CNGB3: variants seen among roughly 807,000 people sequenced by gnomAD.
CNGB3 encodes the protein cyclic nucleotide gated channel subunit beta 3.
Under a neutral mutation model 92.8 loss-of-function variants are expected in CNGB3, and 86 were observed. The observed-to-expected ratio is 0.93, with a 90% CI of 0.78 to 1.11. The LOEUF is 1.11. CNGB3 is among the 50% of genes least tolerant of loss of function. CNGB3 has a pLI of 0.00. For missense variants in CNGB3, 1,026 were observed against 956.8 expected (o/e 1.07, Z -0.95); for synonymous variants, 333 against 332.7 (o/e 1.00, Z -0.01).
Position 86,578,675 on chromosome 8 carries a change from C to T in CNGB3, c.2103+14G>A, listed in dbSNP as rs201660437. On this transcript the variant is annotated intron_variant, in intron 17 of 17. Coordinates refer to ENST00000320005, the MANE Select transcript of CNGB3 (RefSeq NM_019098.5). Reference sequence around the variant, plus strand: ...CTTCTCCATGACAGCCGTCCATTCACTCCACCTTATTACCTGAGCTGCTTG... The same window carrying T: ...CTTCTCCATGACAGCCGTCCATTCATTCCACCTTATTACCTGAGCTGCTTG... 7 of 1,613,472 alleles carry T rather than the reference C, an allele frequency of 4.3e-6. No homozygotes were observed. Among genetic ancestry groups the T allele is most frequent in the East Asian group, 2.2e-5 (1 of 44,876 alleles).
At chr8:86,684,133 C>T (rs1262860405) in intron 3 of CNGB3, among the ~76,000 whole-genome samples, 1 of 152,022 alleles carries the variant, frequency 6.6e-6, no homozygotes, top group Non-Finnish European at 1.5e-5. Flanking sequence ...ATAAAGAATT[C>T]TCAAAATTCA....
intron 3 of CNGB3, 132 bp from the exon 4 acceptor site, chr8:86,671,230 A>G (rs751645736): frequency 2.1e-6 from 2 of 961,542 alleles, no homozygotes; most frequent in Non-Finnish European, 1.6e-6. Flanking sequence ...GAATAGCACA[A>G]TTCAAACATT....
At chr8:86,736,676 T>G (rs912048797) in intron 2 of CNGB3, among the ~76,000 whole-genome samples, 12 of 152,152 alleles carry the variant, frequency 7.9e-5, no homozygotes, top group African/African-American at 2.4e-4. Flanking sequence ...CATTCAAGAT[T>G]GTTGTATAGT....
At chr8:86,657,724 C>G (rs1823540689) in intron 6 of CNGB3, 1 of 476,444 alleles carries the variant, frequency 2.1e-6, no homozygotes, top group Non-Finnish European at 4.2e-6. Context: ...AGCCGCAACA[C>G]CAGCTCCTGC....
At chr8:86,634,698 G>A (rs908229690) in intron 10 of CNGB3, among the ~76,000 whole-genome samples, 6 of 151,312 alleles carry the variant, frequency 4.0e-5, no homozygotes, top group African/African-American at 9.7e-5. Flanking sequence ...TACTTTTTAC[G>A]GAATCCTGCC....
At chr8:86,653,604 T>C (rs1485208055) in intron 7 of CNGB3, among the ~76,000 whole-genome samples, 2 of 152,136 alleles carry the variant, frequency 1.3e-5, no homozygotes, top group African/African-American at 4.8e-5. Flanking sequence ...AACAATTGCT[T>C]CTCTTCTATT....
At chr8:86,595,591 TG>T (rs1456351536) in intron 15 of CNGB3, among the ~76,000 whole-genome samples, 4 of 152,008 alleles carry the variant, frequency 2.6e-5, no homozygotes, top group African/African-American at 9.7e-5. Context: ...GTTTGAGATA[TG>T]AAAAAAATGA....
At chr8:86,739,768 T>C in intron 1 of CNGB3, 32 bp from the exon 2 acceptor site, 1 of 1,605,298 alleles carries the variant, frequency 6.2e-7, no homozygotes, top group Non-Finnish European at 8.5e-7. Flanking sequence ...TTGTATGTGA[T>C]GAATTTACAT....
At position 86,596,483 on chromosome 8, in the gene CNGB3, A is replaced by C. The variant is rs202179185; in HGVS notation, c.1781+7610T>G. On this transcript the variant is annotated intron_variant, in intron 15 of 17. Transcript: ENST00000320005. ...AATGAAAACTGACAAAAAGGGCACA[A>C]GGCTGAATATGCATATTCACGACAA... Among the ~76,000 whole-genome samples the C allele has an allele frequency of 3.3e-4, 51 of 152,372 alleles. No individual in the cohort carries two copies. In the East Asian group the frequency reaches 8.1e-3, roughly 24 times the overall value.
intron 3 of CNGB3, among the ~76,000 whole-genome samples, chr8:86,690,604 T>A (rs1322152434): frequency 2.6e-5 from 4 of 152,180 alleles, no homozygotes; most frequent in Admixed American, 6.5e-5. Context: ...TGCCATTGCT[T>A]TTGGTGTCTT....
chr8:86,728,797 A>T (rs967041979), intron 2 of CNGB3, among the ~76,000 whole-genome samples: 2 of 152,198 alleles, frequency 1.3e-5, no homozygotes, highest in Non-Finnish European at 2.9e-5. Flanking sequence ...ACTTACCCTA[A>T]AAGAAAATTA....
chr8:86,656,997 C>T (rs1823521553), intron 6 of CNGB3, among the ~76,000 whole-genome samples: 1 of 152,082 alleles, frequency 6.6e-6, no homozygotes, highest in South Asian at 2.1e-4. Context: ...GGGGAGCCAC[C>T]CCCAGCAGCC....
chr8:86,603,050 T>C lies in CNGB3; in HGVS notation c.1781+1043A>G, dbSNP rs545779622. Among the ~76,000 whole-genome samples the C allele has an allele frequency of 5.6e-4, 85 of 152,302 alleles. 1 individual carries two copies. Among genetic ancestry groups the C allele is most frequent in the Non-Finnish European group, 1.1e-3 (77 of 68,024 alleles). Reference sequence around the variant, plus strand: ...TTGGTAATCAGGCTCTTCACCCAATTCTGAATGGCTGATCCTTTTCTCTTT... The same window carrying C: ...TTGGTAATCAGGCTCTTCACCCAATCCTGAATGGCTGATCCTTTTCTCTTT... On this transcript the variant is annotated intron_variant, in intron 15 of 17. Transcript: ENST00000320005.
chr8:86,666,138 A>G (rs1823735674), intron 6 of CNGB3, among the ~76,000 whole-genome samples: 3 of 152,176 alleles, frequency 2.0e-5, no homozygotes, highest in South Asian at 4.1e-4. Flanking sequence ...AATAATACCT[A>G]TCTTATTTTT....
At chr8:86,611,532 C>T (rs1822520094) in intron 14 of CNGB3, 56 bp downstream of exon 14, 1 of 1,395,570 alleles carries the variant, frequency 7.2e-7, no homozygotes, top group African/African-American at 1.4e-5. Flanking sequence ...TGACTTATGT[C>T]CGAAATCCTC....
rs1427705392 is a variant in CNGB3 at position 86,574,379 on chromosome 8, A to G, written c.*1425T>C. On this transcript the variant is annotated 3_prime_UTR_variant, in exon 18 of 18. Transcript: ENST00000320005. ...TCTTTCTGCATACAAACTCCCATTT[A>G]TCAAATAAATACTATTTAACAATTT... The G allele has an allele frequency of 6.6e-6, 1 of 152,182 alleles. No homozygotes were observed. Among genetic ancestry groups the G allele is most frequent in the Admixed American group, 6.5e-5 (1 of 15,280 alleles). The allele number at this position is 152,182 out of a possible 1,614,324, so 9.4% of individuals were successfully genotyped here.
At position 86,575,749 on chromosome 8, in the gene CNGB3, C is replaced by G. The variant is rs1821644308; in HGVS notation, c.*55G>C. ...CCCCTCGTTAATTTAAGTTACAATC[C>G]TAGGTACAATCACTTTGGGAACTAG... On this transcript the variant is annotated 3_prime_UTR_variant, in exon 18 of 18. Coordinates refer to ENST00000320005, the MANE Select transcript of CNGB3 (RefSeq NM_019098.5). 1 of 1,505,708 alleles carries G rather than the reference C, an allele frequency of 6.6e-7. No individual in the cohort carries two copies. The highest frequency in any genetic ancestry group is 9.2e-7 in the Non-Finnish European group (1 of 1,085,004). The allele number at this position is 1,505,708 out of a possible 1,614,324, so 93.3% of individuals were successfully genotyped here.
rs17610358 is a variant in CNGB3 at position 86,580,424 on chromosome 8, C to A, written c.1782-1172G>T. ...TTTCCCACCTGGGCTCTGGCTGATA[C>A]AACTCTCAACATCAAATGTGAAAGC... On this transcript the variant is annotated intron_variant, in intron 15 of 17. Transcript: ENST00000320005. Among the ~76,000 whole-genome samples the A allele has an allele frequency of 9.5e-3, 1,442 of 152,312 alleles. 13 individuals carry two copies. The highest frequency in any genetic ancestry group is 0.034 in the Middle Eastern group (10 of 294).
In CNGB3 at chr8:86,632,847, C is replaced by T. The variant is rs781293627; in HGVS notation, c.1225G>A (p.Gly409Ser). 9.3e-6 allele frequency: 15 copies of T among 1,612,518 alleles called. No homozygotes were observed. Residue 409 changes from glycine to serine, a missense_variant, in exon 11 of 18, where the codon GGT (glycine) becomes AGT (serine). Physicochemically the swap from Gly to Ser is moderately conservative, Grantham distance 56 (BLOSUM62 0). Transcript: ENST00000320005. ...AAAGTTTGTGGTTCTGGAAGGCCACCAATGGTAATTAAAGTTCGAACTGCC... is the reference window on the plus strand; with the variant it reads ...AAAGTTTGTGGTTCTGGAAGGCCACTAATGGTAATTAAAGTTCGAACTGCC... ...YWAVRTLITI[G>S]GLPEPQTLFE...
Sources: allele counts gnomAD v4.1 joint callset (sites outside exome capture counted in the v4.1 genomes callset), GRCh38; gene constraint gnomAD v4.1.1; transcripts MANE v1.5; gene names NCBI Gene and HGNC (gene_info 2026-07-23, HGNC 2026-07-21).